The following ZFPM2 variants were observed in gnomAD, a reference collection of about 807,000 sequenced individuals.
ZFPM2 encodes the protein zinc finger protein, FOG family member 2, also known as zinc finger protein ZFPM2.
ZFPM2 carries 20 observed loss-of-function variants against 98.6 expected under a neutral mutation model. The observed-to-expected ratio is 0.20, with a 90% CI of 0.14 to 0.29. ZFPM2 has a LOEUF of 0.29. Ranked by LOEUF, ZFPM2 falls within the 10% of genes least tolerant of loss-of-function variation. The pLI, the probability that ZFPM2 is intolerant of heterozygous loss-of-function variation, is 1.00. For synonymous variants in ZFPM2, 518 were observed against 502.7 expected, an observed-to-expected ratio of 1.03 and a Z score of -0.41; for missense variants, 1,310 against 1,388.6, an observed-to-expected ratio of 0.94 and a Z score of 0.90.
rs144613960 is a variant in ZFPM2, at chr8:105,575,459, C to T, written c.420+13978C>T. Among the ~76,000 whole-genome samples the T allele has an allele frequency of 2.8e-4, 42 of 152,194 alleles. No homozygotes were observed. The East Asian group carries it at 7.7e-3, about 28-fold the overall frequency. ...AGAGACTCCGTGGGAGTGGAGTGTG[C>T]TGTTTTGGACTAGATGAGCTAGGGA... On this transcript the variant is annotated intron_variant, in intron 4 of 7. Transcript: ENST00000407775.
At chr8:105,745,117 T>C (rs1812312689) in intron 5 of ZFPM2, among the ~76,000 whole-genome samples, 1 of 152,162 alleles carries the variant, frequency 6.6e-6, no homozygotes, top group African/African-American at 2.4e-5. Context: ...TGTGTCTTTA[T>C]ACCGGATAAC....
chr8:105,689,568 A>G lies in ZFPM2; in HGVS notation c.532+55211A>G, dbSNP rs564203443. ...ATAGAAAAACTTTTTTTGGCAAACA[A>G]TCACACTCTGTCATTATTTTATGTA... On this transcript the variant is annotated intron_variant, in intron 5 of 7. Coordinates refer to ENST00000407775, the MANE Select transcript of ZFPM2 (RefSeq NM_012082.4). Among the ~76,000 whole-genome samples, 3 of 152,272 alleles carry G rather than the reference A, an allele frequency of 2.0e-5. No homozygotes were observed. The South Asian group carries it at 6.2e-4, about 32-fold the overall frequency.
intron 5 of ZFPM2, among the ~76,000 whole-genome samples, chr8:105,690,739 A>G (rs1372875071): frequency 6.6e-6 from 1 of 152,044 alleles, no homozygotes; most frequent in African/African-American, 2.4e-5. Flanking sequence ...CCAAACTGAA[A>G]AGCCCTAAGT....
chr8:105,404,616 C>T (rs983927195), intron 1 of ZFPM2, among the ~76,000 whole-genome samples: 1 of 152,022 alleles, frequency 6.6e-6, no homozygotes, highest in African/African-American at 2.4e-5. Context: ...TAACTCTAAC[C>T]TCCTCAGTGA....
At chr8:105,534,881 T>C (rs1371641870) in intron 3 of ZFPM2, among the ~76,000 whole-genome samples, 3 of 152,232 alleles carry the variant, frequency 2.0e-5, no homozygotes, top group African/African-American at 2.4e-5. Flanking sequence ...GGAGAACATA[T>C]TGGGGGGAGT....
chr8:105,516,681 A>G (rs1340604698), intron 3 of ZFPM2, among the ~76,000 whole-genome samples: 1 of 152,116 alleles, frequency 6.6e-6, no homozygotes, highest in Non-Finnish European at 1.5e-5. Flanking sequence ...GTGCTACTGG[A>G]CTAATTGCTT....
Position 105,611,701 on chromosome 8 carries a change from T to A in ZFPM2, c.421-22545T>A, listed in dbSNP as rs1020271672. On this transcript the variant is annotated intron_variant, in intron 4 of 7. Coordinates refer to ENST00000407775, the MANE Select transcript of ZFPM2 (RefSeq NM_012082.4). ...CCTTTAACAAATTAACAAAAAAAAA[T>A]TTTTTTTTTTTTTTGAGATGGAGTT... Among the ~76,000 whole-genome samples the A allele has an allele frequency of 8.1e-3, 946 of 116,700 alleles. 8 individuals are homozygous for A. Among genetic ancestry groups the A allele is most frequent in the African/African-American group, 0.023 (850 of 36,962 alleles). The allele number at this position is 116,700 out of a possible 152,430, so 76.6% of individuals were successfully genotyped here.
intron 5 of ZFPM2, among the ~76,000 whole-genome samples, chr8:105,653,818 T>A (rs1240416437): frequency 6.7e-6 from 1 of 149,442 alleles, no homozygotes; most frequent in African/African-American, 2.5e-5. Context: ...GAAAAGTTCT[T>A]CCTGTTTTGT....
chr8:105,479,693 G>A (rs1317602893), intron 3 of ZFPM2, among the ~76,000 whole-genome samples: 2 of 152,172 alleles, frequency 1.3e-5, no homozygotes, highest in Non-Finnish European at 2.9e-5. Flanking sequence ...GTTACTGGAA[G>A]TGAAAGAATG....
At chr8:105,664,423 C>T (rs1229993083) in intron 5 of ZFPM2, among the ~76,000 whole-genome samples, 2 of 151,616 alleles carry the variant, frequency 1.3e-5, no homozygotes, top group Non-Finnish European at 2.9e-5. Context: ...GCAACCTCTG[C>T]CTCCGGGTTC....
At chr8:105,557,729 G>A (rs945911478) in intron 3 of ZFPM2, among the ~76,000 whole-genome samples, 10 of 152,070 alleles carry the variant, frequency 6.6e-5, no homozygotes, top group African/African-American at 9.7e-5. Flanking sequence ...ATGAATAAAC[G>A]AATGAATGAG....
intron 2 of ZFPM2, among the ~76,000 whole-genome samples, chr8:105,424,350 C>T (rs1325530800): frequency 6.6e-6 from 1 of 151,966 alleles, no homozygotes; most frequent in Non-Finnish European, 1.5e-5. Flanking sequence ...TTCCTTGCAT[C>T]TAGATATGAA....
At chr8:105,523,222 A>T (rs532748603) in intron 3 of ZFPM2, among the ~76,000 whole-genome samples, 1 of 152,302 alleles carries the variant, frequency 6.6e-6, no homozygotes, top group African/African-American at 2.4e-5. Context: ...AGGGGTATTC[A>T]GTTAAAGTTT....
chr8:105,468,801 T>C (rs1812842484), intron 3 of ZFPM2, among the ~76,000 whole-genome samples: 2 of 152,340 alleles, frequency 1.3e-5, no homozygotes, highest in South Asian at 4.1e-4. Context: ...TCCTTTTTGT[T>C]GGCATTGTTG....
intron 5 of ZFPM2, among the ~76,000 whole-genome samples, chr8:105,688,412 G>A (rs1810794274): frequency 6.6e-6 from 1 of 152,058 alleles, no homozygotes; most frequent in Admixed American, 6.6e-5. Context: ...ATTATTGTAG[G>A]TGGTTTTATT....
chr8:105,390,529 T>C (rs1811086700), intron 1 of ZFPM2, among the ~76,000 whole-genome samples: 1 of 152,186 alleles, frequency 6.6e-6, no homozygotes, highest in African/African-American at 2.4e-5. Flanking sequence ...TTGGTGTTTC[T>C]TTACATAGGC....
intron 5 of ZFPM2, among the ~76,000 whole-genome samples, chr8:105,703,427 G>A (rs568349448): frequency 6.6e-6 from 1 of 152,166 alleles, no homozygotes; most frequent in African/African-American, 2.4e-5. Flanking sequence ...GGATTTGGCA[G>A]TAATTCAGTA....
chr8:105,622,105 G>GA lies in ZFPM2; in HGVS notation c.421-12133dup, dbSNP rs71577983. On this transcript the variant is annotated intron_variant, in intron 4 of 7. Transcript: ENST00000407775. ...TATATAAGGTTATATTATTTATCTA[G>GA]AAAAAAAACAAAAAGAATTATTTAT... 4.7e-5 allele frequency among the ~76,000 whole-genome samples: 7 copies of GA among 150,136 alleles called. 1 individual carries two copies. Among genetic ancestry groups the GA allele is most frequent in the South Asian group, 2.1e-4 (1 of 4,746 alleles).
At chr8:105,405,357 G>A (rs946320297) in intron 1 of ZFPM2, among the ~76,000 whole-genome samples, 12 of 151,634 alleles carry the variant, frequency 7.9e-5, no homozygotes, top group African/African-American at 2.7e-4. Context: ...GTATACATGT[G>A]CCATGTTGGT....
Sources: allele counts gnomAD v4.1 joint callset (sites outside exome capture counted in the v4.1 genomes callset), GRCh38; gene constraint gnomAD v4.1.1; transcripts MANE v1.5; gene names NCBI Gene and HGNC (gene_info 2026-07-23, HGNC 2026-07-21).